Variants in DSCAM observed in about 807,000 individuals in gnomAD.
The protein encoded by DSCAM is cell adhesion molecule DSCAM.
In DSCAM, 47 loss-of-function variants were observed where a neutral mutation model predicts 217.7. That is an observed-to-expected ratio of 0.22 (90% CI 0.17 to 0.28). The LOEUF (loss-of-function observed/expected upper bound fraction) is 0.28, where lower values mean the gene tolerates loss of function less well. DSCAM is among the 10% of genes least tolerant of loss of function. The pLI is 1.00. For synonymous variants in DSCAM, 1,056 were observed against 1,015.3 expected, an observed-to-expected ratio of 1.04 and a Z score of -0.76; for missense variants, 2,080 against 2,618.3, an observed-to-expected ratio of 0.79 and a Z score of 4.49.
intron 3 of DSCAM, among the ~76,000 whole-genome samples, chr21:40,682,823 G>A (rs1196945958): frequency 4.5e-5 from 3 of 66,190 alleles, no homozygotes; most frequent in South Asian, 6.5e-4. Flanking sequence ...GGGAAGGGAA[G>A]GGAAGGGAAG....
At chr21:40,505,338 A>G (rs2076201939) in intron 3 of DSCAM, among the ~76,000 whole-genome samples, 1 of 152,160 alleles carries the variant, frequency 6.6e-6, no homozygotes, top group Admixed American at 6.5e-5. Flanking sequence ...CATGTAGTTG[A>G]GTATTGTTAC....
chr21:40,247,622 C>A (rs1569021835), intron 11 of DSCAM, among the ~76,000 whole-genome samples: 1 of 152,216 alleles, frequency 6.6e-6, no homozygotes, highest in African/African-American at 2.4e-5. Flanking sequence ...GCAGTTCCAC[C>A]CCTGAGGCTT....
intron 3 of DSCAM, among the ~76,000 whole-genome samples, chr21:40,378,453 C>T (rs1455557188): frequency 6.6e-6 from 1 of 152,064 alleles, no homozygotes; most frequent in Middle Eastern, 3.4e-3. Context: ...CTTTTCAATC[C>T]CTCTTGCAAC....
At chr21:40,426,307 G>C (rs945563563) in intron 3 of DSCAM, among the ~76,000 whole-genome samples, 3 of 152,192 alleles carry the variant, frequency 2.0e-5, no homozygotes, top group Admixed American at 6.5e-5. Context: ...AAGATCCATG[G>C]ACAGTTTGTT....
chr21:40,252,453 T>G (rs1239946539), intron 11 of DSCAM, among the ~76,000 whole-genome samples: 1 of 152,192 alleles, frequency 6.6e-6, no homozygotes, highest in Non-Finnish European at 1.5e-5. Context: ...GTTGTTTTCC[T>G]CCTTTGTTTC....
At chr21:40,743,508 CATAATACA>C (rs1378176386) in intron 1 of DSCAM, among the ~76,000 whole-genome samples, 5 of 152,072 alleles carry the variant, frequency 3.3e-5, no homozygotes, top group African/African-American at 1.2e-4. Flanking sequence ...CCCACTCTGA[CATAATACA>C]AGAGGTTAAC....
chr21:40,642,063 A>G lies in DSCAM; in HGVS notation c.508+50747T>C, dbSNP rs564374744. Among the ~76,000 whole-genome samples, 1,130 of 147,076 alleles carry G rather than the reference A, an allele frequency of 7.7e-3. 24 individuals are homozygous for G. The highest frequency in any genetic ancestry group is 0.027 in the African/African-American group (1,069 of 39,800). On this transcript the variant is annotated intron_variant, in intron 3 of 32. Coordinates refer to ENST00000400454, the MANE Select transcript of DSCAM (RefSeq NM_001389.5). Reference sequence around the variant, plus strand: ...GTCTCAAAAAAAAAAAAAAAAACAAAGATTATATTCATGTATTCCTGTTGT... The same window carrying G: ...GTCTCAAAAAAAAAAAAAAAAACAAGGATTATATTCATGTATTCCTGTTGT...
At chr21:40,563,664 TTATA>T (rs201035348) in intron 3 of DSCAM, among the ~76,000 whole-genome samples, 9 of 139,184 alleles carry the variant, frequency 6.5e-5, no homozygotes, top group South Asian at 2.2e-4. Context: ...TTATGTTTGT[TTATA>T]TATATGTTTA....
At chr21:40,463,100 A>T (rs941926355) in intron 3 of DSCAM, among the ~76,000 whole-genome samples, 2 of 152,086 alleles carry the variant, frequency 1.3e-5, no homozygotes, top group African/African-American at 4.8e-5. Flanking sequence ...TTGACATATA[A>T]AACAGCAATT....
intron 11 of DSCAM, among the ~76,000 whole-genome samples, chr21:40,193,016 GGC>G (rs1382511806): frequency 2.6e-5 from 4 of 152,186 alleles, no homozygotes; most frequent in Admixed American, 6.5e-5. Flanking sequence ...TTGACCAAGT[GGC>G]AGCACCATTT....
intron 27 of DSCAM, among the ~76,000 whole-genome samples, chr21:40,067,979 C>T (rs994471007): frequency 3.9e-5 from 6 of 151,920 alleles, no homozygotes; most frequent in African/African-American, 1.5e-4. Flanking sequence ...CATTTTTTCC[C>T]ACACATTTCA....
chr21:40,695,031 G>T (rs182431575), intron 2 of DSCAM, among the ~76,000 whole-genome samples: 5 of 152,244 alleles, frequency 3.3e-5, no homozygotes, highest in African/African-American at 1.2e-4. Context: ...GCAGGGGAAT[G>T]ATTTCAATTT....
chr21:40,140,255 T>C (rs555143166), intron 18 of DSCAM, among the ~76,000 whole-genome samples: 63 of 152,318 alleles, frequency 4.1e-4, no homozygotes, highest in Non-Finnish European at 6.8e-4. Flanking sequence ...TGCAGACTTC[T>C]ACATCGCACA....
chr21:40,639,355 T>C (rs1568956374), intron 3 of DSCAM, among the ~76,000 whole-genome samples: 1 of 152,194 alleles, frequency 6.6e-6, no homozygotes, highest in Non-Finnish European at 1.5e-5. Context: ...AGCTTTTTAG[T>C]ATGTGACATT....
chr21:40,073,061 A>T (rs560747614), intron 27 of DSCAM, among the ~76,000 whole-genome samples: 2 of 152,214 alleles, frequency 1.3e-5, no homozygotes, highest in Non-Finnish European at 1.5e-5. Context: ...TACAGGGTGC[A>T]TGGGTCATCA....
intron 8 of DSCAM, among the ~76,000 whole-genome samples, chr21:40,326,884 C>T (rs561437074): frequency 1.4e-3 from 216 of 150,354 alleles, no homozygotes; most frequent in African/African-American, 5.0e-3. Flanking sequence ...TATCTGTAAC[C>T]ACATATATAT....
intron 8 of DSCAM, among the ~76,000 whole-genome samples, chr21:40,323,547 G>A (rs969102125): frequency 1.1e-4 from 17 of 152,158 alleles, no homozygotes; most frequent in African/African-American, 9.7e-5. Context: ...AAGGGAAAAC[G>A]TTTAAAAGGT....
At chr21:40,692,571 G>A (rs1439449653) in intron 3 of DSCAM, among the ~76,000 whole-genome samples, 1 of 152,182 alleles carries the variant, frequency 6.6e-6, no homozygotes, top group Non-Finnish European at 1.5e-5. Flanking sequence ...AATGGCTACA[G>A]TTACAGTGCC....
At chr21:40,733,633 C>T (rs1241432453) in intron 1 of DSCAM, among the ~76,000 whole-genome samples, 1 of 152,166 alleles carries the variant, frequency 6.6e-6, no homozygotes, top group Non-Finnish European at 1.5e-5. Flanking sequence ...TCCTGCTCTC[C>T]CTCTGGCCCA....
Sources: gnomAD v4.1 joint callset for allele counts (sites outside exome capture counted in the v4.1 genomes callset) on GRCh38, gnomAD v4.1.1 for gene constraint, MANE v1.5 for transcripts, NCBI Gene and HGNC (gene_info 2026-07-23, HGNC 2026-07-21) for gene names.